Variants in SLC16A12 observed in about 807,000 individuals in gnomAD.
SLC16A12 encodes the protein solute carrier family 16 member 12.
SLC16A12 carries 17 observed loss-of-function variants against 42.4 expected under a neutral mutation model. That is an observed-to-expected ratio of 0.40 (90% CI 0.27 to 0.60). The LOEUF is 0.60. SLC16A12 is among the 20% of genes least tolerant of loss of function. SLC16A12 has a pLI of 0.42. For missense variants in SLC16A12, 544 were observed against 623.0 expected, an observed-to-expected ratio of 0.87 and a Z score of 1.35; for synonymous variants, 224 against 229.4, an observed-to-expected ratio of 0.98 and a Z score of 0.21.
intron 3 of SLC16A12, among the ~76,000 whole-genome samples, chr10:89,449,879 C>T (rs539741462): frequency 6.6e-6 from 1 of 152,242 alleles, no homozygotes; most frequent in Admixed American, 6.5e-5. Flanking sequence ...GGCTAATATC[C>T]AGAATCTACA....
At chr10:89,555,076 T>C (rs1843801441) in intron 2 of SLC16A12, among the ~76,000 whole-genome samples, 1 of 152,086 alleles carries the variant, frequency 6.6e-6, no homozygotes. Flanking sequence ...AAGCATCCAG[T>C]AAATATTTGT....
intron 2 of SLC16A12, among the ~76,000 whole-genome samples, chr10:89,497,953 C>A (rs1002452210): frequency 5.3e-5 from 8 of 152,096 alleles, no homozygotes; most frequent in African/African-American, 1.9e-4. Flanking sequence ...ATTATTTTAT[C>A]TACGTCTGTA....
chr10:89,499,414 T>G (rs1842964817), intron 2 of SLC16A12, among the ~76,000 whole-genome samples: 1 of 151,782 alleles, frequency 6.6e-6, no homozygotes. Context: ...ATTAGCTGGG[T>G]GTGGTGGTGT....
chr10:89,464,655 T>A (rs952498976), intron 2 of SLC16A12, among the ~76,000 whole-genome samples: 2 of 152,206 alleles, frequency 1.3e-5, no homozygotes, highest in Non-Finnish European at 2.9e-5. Flanking sequence ...AACATTTACT[T>A]TAAGACCACA....
intron 2 of SLC16A12, among the ~76,000 whole-genome samples, chr10:89,518,423 G>A (rs1297451251): frequency 1.3e-5 from 2 of 152,164 alleles, no homozygotes; most frequent in Non-Finnish European, 2.9e-5. Flanking sequence ...GCTGGTGACA[G>A]GCATAGCTGG....
At position 89,439,001 on chromosome 10, in the gene SLC16A12, C is replaced by A; in HGVS notation, c.631G>T (p.Gly211Trp). 2 of 1,614,126 alleles carry A rather than the reference C, an allele frequency of 1.2e-6. No homozygotes were observed. The highest frequency in any genetic ancestry group is 1.7e-6 in the Non-Finnish European group (2 of 1,180,020). Residue 211 changes from glycine (G) to tryptophan (W), a missense_variant, in exon 6 of 8, where the codon GGG (glycine) becomes TGG (tryptophan). Gly to Trp is a radical substitution (Grantham distance 184). Transcript: ENST00000371790. ...FSWRGALLIL[G>W]GFVLNLCVCG... ...ACACAGAGATTCAAGACAAAGCCCC[C>A]AAGAATGAGTAAGGCTCCCCGCCAG...
intron 2 of SLC16A12, among the ~76,000 whole-genome samples, chr10:89,513,940 C>T (rs561912726): frequency 1.3e-5 from 2 of 152,254 alleles, no homozygotes; most frequent in South Asian, 4.2e-4. Context: ...TGTGAGACCT[C>T]TAAGTGGACC....
intron 2 of SLC16A12, among the ~76,000 whole-genome samples, chr10:89,467,810 CAA>C (rs1286314455): frequency 6.6e-6 from 1 of 152,006 alleles, no homozygotes; most frequent in Non-Finnish European, 1.5e-5. Flanking sequence ...TTGGTGAGCA[CAA>C]AAGTCTCTTT....
At chr10:89,444,956 T>C (rs1451027321) in intron 3 of SLC16A12, among the ~76,000 whole-genome samples, 2 of 152,264 alleles carry the variant, frequency 1.3e-5, no homozygotes, top group African/African-American at 2.4e-5. Context: ...ATCCTGTGCC[T>C]AGCTCAGCAA....
At chr10:89,501,492 G>T (rs1390484200) in intron 2 of SLC16A12, among the ~76,000 whole-genome samples, 1 of 152,138 alleles carries the variant, frequency 6.6e-6, no homozygotes, top group Non-Finnish European at 1.5e-5. Flanking sequence ...AGAGAACCCA[G>T]AAATAAACTC....
chr10:89,551,769 T>C (rs1646347452), intron 2 of SLC16A12, among the ~76,000 whole-genome samples: 1 of 152,228 alleles, frequency 6.6e-6, no homozygotes, highest in South Asian at 2.1e-4. Context: ...AAGTGCCTTT[T>C]GCCTTCTGCC....
intron 2 of SLC16A12, among the ~76,000 whole-genome samples, chr10:89,554,739 G>T (rs928444480): frequency 1.3e-5 from 2 of 152,128 alleles, no homozygotes; most frequent in Admixed American, 6.6e-5. Context: ...GATGAGATGG[G>T]AGCAACCTTT....
At chr10:89,525,986 C>T (rs1843445443) in intron 2 of SLC16A12, among the ~76,000 whole-genome samples, 3 of 152,256 alleles carry the variant, frequency 2.0e-5, no homozygotes, top group Non-Finnish European at 4.4e-5. Context: ...CACTAGGTAA[C>T]CACCCAAGTT....
intron 2 of SLC16A12, among the ~76,000 whole-genome samples, chr10:89,519,180 T>G (rs1352269720): frequency 2.0e-5 from 3 of 152,002 alleles, no homozygotes; most frequent in Admixed American, 2.0e-4. Context: ...ATTGATACTG[T>G]GCCACAAAAA....
At position 89,462,461 on chromosome 10, in the gene SLC16A12, T is replaced by C. The variant is rs1187681430; in HGVS notation, c.118A>G (p.Thr40Ala). The C allele has an allele frequency of 6.2e-7, 1 of 1,613,878 alleles. No homozygotes were observed. The change falls in exon 3 of 8, where the codon ACC becomes GCC. Residue 40 changes from threonine to alanine, a missense_variant. By Grantham distance (58) the Thr-to-Ala change is moderately conservative. Coordinates refer to ENST00000371790, the MANE Select transcript of SLC16A12 (RefSeq NM_213606.4). ...TMAKVNRARS[T>A]SPPDGGWGWM... ...CCCCAGCCTCCATCTGGAGGGGAGG[T>C]AGACCGAGCTCTATTTACTTTTGCC...
At chr10:89,485,502 T>C (rs1393743105) in intron 2 of SLC16A12, among the ~76,000 whole-genome samples, 1 of 152,206 alleles carries the variant, frequency 6.6e-6, no homozygotes, top group African/African-American at 2.4e-5. Context: ...CACGTCCACT[T>C]ACCATTCCAC....
At chr10:89,474,087 C>T (rs369250673) in intron 2 of SLC16A12, among the ~76,000 whole-genome samples, 1 of 152,160 alleles carries the variant, frequency 6.6e-6, no homozygotes, top group Admixed American at 6.6e-5. Flanking sequence ...TCCTTTCTTC[C>T]ACACTTCCCC....
chr10:89,545,990 G>A lies in SLC16A12; in HGVS notation c.-47+9892C>T, dbSNP rs929160817. On this transcript the variant is annotated intron_variant, in intron 2 of 2. Transcript: ENST00000475682. ...TGCTGGGAAAACTGGCTAGCCATAC[G>A]CAGAAAACTGAAACTGGACCCGTTC... Among the ~76,000 whole-genome samples, 8 of 152,254 alleles carry A rather than the reference G, an allele frequency of 5.3e-5. No homozygotes were observed. The South Asian group carries it at 6.2e-4, about 12-fold the overall frequency.
chr10:89,482,236 C>CAAAA (rs368466973), intron 2 of SLC16A12, among the ~76,000 whole-genome samples: 3 of 106,518 alleles, frequency 2.8e-5, no homozygotes, highest in Non-Finnish European at 5.7e-5. Flanking sequence ...AAGAATACAC[C>CAAAA]AAAAAAAAAA....
Sources: allele counts gnomAD v4.1 joint callset (sites outside exome capture counted in the v4.1 genomes callset), GRCh38; gene constraint gnomAD v4.1.1; transcripts MANE v1.5; gene names NCBI Gene and HGNC (gene_info 2026-07-23, HGNC 2026-07-21).